PPP1R12A: variants seen among roughly 807,000 people sequenced by gnomAD.
PPP1R12A encodes the protein protein phosphatase 1 regulatory subunit 12A, also known as myosin binding subunit.
In PPP1R12A, 19 loss-of-function variants were observed where a neutral mutation model predicts 139.6. The ratio of observed to expected loss-of-function variants is 0.14; its 90% confidence interval spans 0.09 to 0.20. The LOEUF (loss-of-function observed/expected upper bound fraction) is 0.20. PPP1R12A is among the 10% of genes least tolerant of loss of function. The pLI is 1.00. For missense variants in PPP1R12A, 925 were observed against 1,211.5 expected, an observed-to-expected ratio of 0.76 and a Z score of 3.51; for synonymous variants, 427 against 420.6, an observed-to-expected ratio of 1.02 and a Z score of -0.19.
chr12:79,820,768 T>G lies in PPP1R12A; in HGVS notation c.1114+6A>C. 6.2e-7 allele frequency: 1 copy of G among 1,609,318 alleles called. No homozygotes were observed. On this transcript the variant is annotated splice_donor_region_variant and intron_variant, in intron 8 of 24. Transcript: ENST00000450142. ...CAACGAAAATGCATTTATCTTTTAATTTTACCTGTTTCAGCTTCTGATTCC... is the reference window on the plus strand; with the variant it reads ...CAACGAAAATGCATTTATCTTTTAAGTTTACCTGTTTCAGCTTCTGATTCC...
intron 1 of PPP1R12A, among the ~76,000 whole-genome samples, chr12:79,925,818 G>A (rs1887796324): frequency 1.3e-5 from 2 of 151,980 alleles, no homozygotes; most frequent in African/African-American, 4.8e-5. Context: ...TGACATAGAG[G>A]GAGCCATAGT....
intron 2 of PPP1R12A, among the ~76,000 whole-genome samples, chr12:79,851,661 G>A (rs941852152): frequency 2.0e-5 from 3 of 152,054 alleles, no homozygotes; most frequent in Admixed American, 1.3e-4. Flanking sequence ...AAATCTGTAG[G>A]TTTATGTCTT....
chr12:79,903,804 CTCT>C lies in PPP1R12A; in HGVS notation c.238-30869_238-30867del, dbSNP rs1033112536. 5.3e-5 allele frequency among the ~76,000 whole-genome samples: 8 copies of C among 152,196 alleles called. No individual in the cohort carries two copies. The East Asian group carries it at 9.6e-4, about 18-fold the overall frequency. On this transcript the variant is annotated intron_variant, in intron 1 of 24. Coordinates refer to ENST00000450142, the MANE Select transcript of PPP1R12A (RefSeq NM_002480.3). ...TATAAATACAATCATGAACTCACAG[CTCT>C]TCAAAAAAATAAATAAATGTAAAAC... is the stretch of plus-strand genomic sequence containing the variant.
In PPP1R12A at chr12:79,797,453, A is replaced by C. The variant is rs150149417; in HGVS notation, c.2092-58T>G. 8.3e-5 allele frequency: 118 copies of C among 1,422,926 alleles called. No individual in the cohort carries two copies. In the East Asian group the frequency reaches 2.7e-3, roughly 32 times the overall value. The allele number at this position is 1,422,926 out of a possible 1,614,324, so 88.1% of individuals were successfully genotyped here. ...GATGCATTAAAGCTTGTTTCAAGGAATATTTTAGAAATAGATATATTACAT... is the reference window on the plus strand; with the variant it reads ...GATGCATTAAAGCTTGTTTCAAGGACTATTTTAGAAATAGATATATTACAT... On this transcript the variant is annotated intron_variant, in intron 15 of 24. Coordinates refer to ENST00000450142, the MANE Select transcript of PPP1R12A (RefSeq NM_002480.3).
At chr12:79,779,187 G>T in intron 23 of PPP1R12A, 1 of 636,116 alleles carries the variant, frequency 1.6e-6, no homozygotes, top group Non-Finnish European at 2.4e-6. Context: ...TTCAAAGAGT[G>T]ACAGGCAAAG....
At chr12:79,811,942 T>C (rs573223095) in intron 9 of PPP1R12A, among the ~76,000 whole-genome samples, 5 of 152,310 alleles carry the variant, frequency 3.3e-5, no homozygotes, top group African/African-American at 9.6e-5. Flanking sequence ...ATAACATTTA[T>C]TGTTATAAAT....
chr12:79,774,514 G>C lies in PPP1R12A; in HGVS notation c.*1415C>G, dbSNP rs1438583199. On this transcript the variant is annotated 3_prime_UTR_variant, in exon 25 of 25. Transcript: ENST00000450142. ...ATGGCTGAACTGTTCAGTGGTTAAG[G>C]AGACAGTTATGTGCCAGAAAGATGT... 1 of 152,418 alleles carries C rather than the reference G, an allele frequency of 6.6e-6. No individual in the cohort carries two copies. The highest frequency in any genetic ancestry group is 1.5e-5 in the Non-Finnish European group (1 of 67,972). The allele number at this position is 152,418 out of a possible 1,614,324, so 9.4% of individuals were successfully genotyped here. A position where few individuals can be genotyped will look rare whatever the true frequency, so the allele number is the denominator to read the frequency against.
chr12:79,798,255 G>A (rs1872706470), intron 15 of PPP1R12A, among the ~76,000 whole-genome samples: 1 of 152,148 alleles, frequency 6.6e-6, no homozygotes, highest in Non-Finnish European at 1.5e-5. Flanking sequence ...AATAGTAGCA[G>A]TGTAACCATA....
chr12:79,897,756 C>T (rs1175134736), intron 1 of PPP1R12A, among the ~76,000 whole-genome samples: 3 of 152,138 alleles, frequency 2.0e-5, no homozygotes, highest in Admixed American at 1.3e-4. Context: ...CTTCTTTTGT[C>T]CTCATTGTGA....
chr12:79,789,816 T>C, intron 20 of PPP1R12A: 1 of 365,664 alleles, frequency 2.7e-6, no homozygotes. Flanking sequence ...GGTCTCACTG[T>C]ATCCAGTGAG....
intron 1 of PPP1R12A, among the ~76,000 whole-genome samples, chr12:79,914,613 A>C (rs974292444): frequency 3.9e-5 from 6 of 152,006 alleles, no homozygotes; most frequent in Admixed American, 3.9e-4. Flanking sequence ...TCTCCTCAAA[A>C]TACATGATTA....
At chr12:79,794,536 TAAAAA>T (rs759281905) in intron 18 of PPP1R12A, among the ~76,000 whole-genome samples, 3 of 151,498 alleles carry the variant, frequency 2.0e-5, no homozygotes, top group South Asian at 2.1e-4. Flanking sequence ...ACACTGCAAT[TAAAAA>T]AAAGTTCAGA....
At chr12:79,913,093 T>A (rs1198043137) in intron 1 of PPP1R12A, among the ~76,000 whole-genome samples, 1 of 152,264 alleles carries the variant, frequency 6.6e-6, no homozygotes, top group African/African-American at 2.4e-5. Context: ...TTTGCATTTC[T>A]CTGGTGAATG....
chr12:79,905,780 C>G (rs1470990568), intron 1 of PPP1R12A, among the ~76,000 whole-genome samples: 1 of 152,140 alleles, frequency 6.6e-6, no homozygotes, highest in Admixed American at 6.6e-5. Flanking sequence ...AACTAACATG[C>G]ATTTTTAAAA....
At chr12:79,840,946 TCTC>T (rs1878628213) in intron 3 of PPP1R12A, among the ~76,000 whole-genome samples, 2 of 151,820 alleles carry the variant, frequency 1.3e-5, no homozygotes, top group Admixed American at 1.3e-4. Flanking sequence ...TCAGGCCTCA[TCTC>T]CTACAAATCC....
intron 2 of PPP1R12A, chr12:79,848,777 C>G (rs1279532202): frequency 6.6e-6 from 1 of 152,018 alleles, no homozygotes; most frequent in South Asian, 2.1e-4. Context: ...TAATAATAAA[C>G]AAAATCTCAC....
intron 1 of PPP1R12A, among the ~76,000 whole-genome samples, chr12:79,910,560 C>A (rs1374799305): frequency 1.4e-5 from 2 of 139,234 alleles, no homozygotes; most frequent in African/African-American, 5.3e-5. Flanking sequence ...AAAAAAAAAA[C>A]TTTTCCAATC....
intron 5 of PPP1R12A, 181 bp downstream of exon 5, chr12:79,828,139 G>T (rs748385748): frequency 6.3e-5 from 29 of 457,276 alleles, no homozygotes; most frequent in Non-Finnish European, 8.9e-5. Context: ...TCATACGGTA[G>T]CTGAAAAGAC....
chr12:79,934,593 C>T (rs1022613200), intron 1 of PPP1R12A, 102 bp downstream of exon 1: 7 of 1,131,168 alleles, frequency 6.2e-6, no homozygotes, highest in Admixed American at 3.1e-5. Flanking sequence ...GGGAGTCTCC[C>T]GCCGCCCCCA....
Sources: allele counts gnomAD v4.1 joint callset (sites outside exome capture counted in the v4.1 genomes callset), GRCh38; gene constraint gnomAD v4.1.1; transcripts MANE v1.5; gene names NCBI Gene and HGNC (gene_info 2026-07-23, HGNC 2026-07-21).